SLC6A19: variants seen among roughly 807,000 people sequenced by gnomAD.
The protein encoded by SLC6A19 is sodium-dependent neutral amino acid transporter B(0)AT1.
In SLC6A19, 67 loss-of-function variants were observed where a neutral mutation model predicts 68.3. That is an observed-to-expected ratio of 0.98 (90% CI 0.81 to 1.20). The LOEUF is 1.20. Ranked by LOEUF, SLC6A19 falls within the 50% of genes most tolerant of loss-of-function variation. The pLI is 0.00. For synonymous variants in SLC6A19, 392 were observed against 374.9 expected (o/e 1.05, Z -0.53); for missense variants, 813 against 851.6 (o/e 0.95, Z 0.56).
At position 1,219,207 on chromosome 5, in the gene SLC6A19, G is replaced by C. The variant is rs554501982; in HGVS notation, c.1378+100G>C. 1.7e-4 allele frequency: 200 copies of C among 1,162,558 alleles called. 1 individual carries two copies. In the African/African-American group the frequency reaches 2.4e-3, roughly 14 times the overall value. 72.0% of individuals were successfully genotyped at this position (1,162,558 alleles called of 1,614,324 possible). The stretch of plus-strand genomic sequence containing the variant: ...AGCTCTGTCCCCGGCCGTGCGTGCA[G>C]CCCCCGGGCGTGTGAACAGCTCTGT... On this transcript the variant is annotated intron_variant, in intron 9 of 11. Transcript: ENST00000304460.
intron 1 of SLC6A19, 80 bp downstream of exon 1, chr5:1,201,932 C>A: frequency 6.7e-7 from 1 of 1,492,096 alleles, no homozygotes; most frequent in Non-Finnish European, 9.0e-7. Flanking sequence ...GGCAGACATC[C>A]TCCCCGGACC....
chr5:1,207,584 C>G (rs1478887886), intron 1 of SLC6A19, among the ~76,000 whole-genome samples: 1 of 152,366 alleles, frequency 6.6e-6, no homozygotes, highest in East Asian at 1.9e-4. Flanking sequence ...CTCCCGGTCC[C>G]AGGCTGATTC....
At chr5:1,216,319 G>A (rs1027681880) in intron 6 of SLC6A19, among the ~76,000 whole-genome samples, 8 of 152,180 alleles carry the variant, frequency 5.3e-5, no homozygotes, top group Non-Finnish European at 8.8e-5. Flanking sequence ...CATAGCCTGG[G>A]GCAGCCCCTA....
At chr5:1,219,736 G>C in intron 10 of SLC6A19, 72 bp downstream of exon 10, 1 of 1,591,840 alleles carries the variant, frequency 6.3e-7, no homozygotes, top group Non-Finnish European at 8.5e-7. Flanking sequence ...TGTGAGGGAG[G>C]ACCCGGGCTG....
chr5:1,221,806 T>C lies in SLC6A19; in HGVS notation c.1807T>C (p.Tyr603His). ...PSLTIPGYAI[Y>H]KLIRNHCQKP... ...CCTCACCATCCCTGGCTATGCCATC[T>C]ACAAGCTCATCAGGAACCACTGCCA... The change falls in exon 12 of 12, where the codon TAC becomes CAC. Residue 603 changes from tyrosine to histidine, a missense_variant. Transcript: ENST00000304460. 1.2e-6 allele frequency: 2 copies of C among 1,614,238 alleles called. No homozygotes were observed. The highest frequency in any genetic ancestry group is 1.6e-4 in the Middle Eastern group (1 of 6,062).
Position 1,212,168 on chromosome 5 carries a change from T to C in SLC6A19, c.482-135T>C. 2.0e-6 allele frequency: 2 copies of C among 1,016,414 alleles called. No homozygotes were observed. The highest frequency in any genetic ancestry group is 2.6e-5 in the South Asian group (2 of 75,550). 63.0% of individuals were successfully genotyped at this position (1,016,414 alleles called of 1,614,324 possible). ...TGCACGTGAGCATGTGTGCCTGTGT[T>C]CATGTGCACGTGTGGGCGTGTCACT... On this transcript the variant is annotated intron_variant, in intron 3 of 11. Coordinates refer to ENST00000304460, the MANE Select transcript of SLC6A19 (RefSeq NM_001003841.3). The surrounding 1 kb of genome is among the most constrained non-coding windows in gnomAD (Gnocchi z 5.1).
intron 2 of SLC6A19, 138 bp from the exon 3 acceptor site, chr5:1,210,306 G>C: frequency 8.0e-7 from 1 of 1,250,200 alleles, no homozygotes; most frequent in Non-Finnish European, 1.1e-6. Context: ...GCCTGCACTG[G>C]GTCGGCCCCT....
chr5:1,208,954 G>T, intron 2 of SLC6A19, 68 bp downstream of exon 2: 1 of 1,550,416 alleles, frequency 6.4e-7, no homozygotes. Flanking sequence ...TTCCACCCGG[G>T]CCCAGGGTTC....
chr5:1,207,322 GC>G (rs1196774357), intron 1 of SLC6A19, among the ~76,000 whole-genome samples: 2 of 152,178 alleles, frequency 1.3e-5, no homozygotes, highest in African/African-American at 4.8e-5. Context: ...TAGCCTGGGG[GC>G]CTTGTGGCTG....
At chr5:1,220,137 C>T (rs188252679) in intron 10 of SLC6A19, among the ~76,000 whole-genome samples, 3 of 152,182 alleles carry the variant, frequency 2.0e-5, no homozygotes, top group East Asian at 3.9e-4. Flanking sequence ...AGGCCGGGCA[C>T]GGTGGCTCAT....
intron 6 of SLC6A19, among the ~76,000 whole-genome samples, 163 bp from the exon 7 acceptor site, chr5:1,216,395 G>T (rs927561500): frequency 6.6e-6 from 1 of 152,154 alleles, no homozygotes; most frequent in African/African-American, 2.4e-5. Flanking sequence ...CCCTGAGCCT[G>T]CTCGGAGTGG....
At chr5:1,213,865 C>T in intron 5 of SLC6A19, 88 bp from the exon 6 acceptor site, 9 of 1,586,658 alleles carry the variant, frequency 5.7e-6, no homozygotes, top group Non-Finnish European at 7.7e-6. Flanking sequence ...ATAGCCTCGA[C>T]CCTCCCCGCC....
Position 1,214,136 on chromosome 5 carries a change from C to T in SLC6A19, c.887+71C>T. On this transcript the variant is annotated intron_variant, in intron 6 of 11. Coordinates refer to ENST00000304460, the MANE Select transcript of SLC6A19 (RefSeq NM_001003841.3). This position sits in a 1 kb window ranked among gnomAD's most constrained non-coding sequence, Gnocchi z 7.4. Reference sequence around the variant, plus strand: ...GGGATCTTGCTGGGAGGATAAAAGACAAGGTGGAAAGCACTCTGTGGCTGT... The same window carrying T: ...GGGATCTTGCTGGGAGGATAAAAGATAAGGTGGAAAGCACTCTGTGGCTGT... The T allele has an allele frequency of 1.2e-6, 2 of 1,609,420 alleles. No individual in the cohort carries two copies. Among genetic ancestry groups the T allele is most frequent in the African/African-American group, 1.3e-5 (1 of 74,948 alleles).
rs762989809 is a variant in SLC6A19 at position 1,201,819 on chromosome 5, C to A, written c.169C>A (p.Arg57Ser). 1 of 1,612,076 alleles carries A rather than the reference C, an allele frequency of 6.2e-7. No homozygotes were observed. The highest frequency in any genetic ancestry group is 1.1e-5 in the South Asian group (1 of 91,078). Residue 57 changes from arginine (R) to serine (S), a missense_variant, in exon 1 of 12, where the codon CGC becomes AGC. Coordinates refer to ENST00000304460, the MANE Select transcript of SLC6A19 (RefSeq NM_001003841.3). ...CTGCGTGGGCCTCGGCAACGTGTGG[C>A]GCTTCCCCTACCTGTGTCAGAGCCA... Reference protein sequence around the residue: ...GFCVGLGNVWRFPYLCQSHGG... With the variant: ...GFCVGLGNVWSFPYLCQSHGG...
At chr5:1,202,357 G>A (rs948485359) in intron 1 of SLC6A19, among the ~76,000 whole-genome samples, 3 of 152,292 alleles carry the variant, frequency 2.0e-5, no homozygotes, top group Admixed American at 6.5e-5. Context: ...TGAGCCAGGT[G>A]CCCTCAGGCC....
At chr5:1,217,006 C>G (rs1304795534) in intron 8 of SLC6A19, 61 bp downstream of exon 8, 1 of 1,608,594 alleles carries the variant, frequency 6.2e-7, no homozygotes, top group Admixed American at 1.7e-5. Flanking sequence ...CCTCAGAGTC[C>G]GGCCACCCCT....
intron 3 of SLC6A19, among the ~76,000 whole-genome samples, chr5:1,211,694 C>T (rs1579512085): frequency 6.9e-6 from 1 of 144,738 alleles, no homozygotes; most frequent in East Asian, 2.1e-4. Flanking sequence ...TGTGCATGTG[C>T]ATGTGTGGGG....
Position 1,213,446 on chromosome 5 carries a change from T to C in SLC6A19, c.664-17T>C. 1.1e-6 allele frequency: 1 copy of C among 946,524 alleles called. No individual in the cohort carries two copies. Among genetic ancestry groups the C allele is most frequent in the Non-Finnish European group, 1.5e-6 (1 of 669,954 alleles). 58.6% of individuals were successfully genotyped at this position (946,524 alleles called of 1,614,324 possible). ...CCCCCAACTTCCCGCCCATCCCACA[T>C]GTCCCGCCCTCCGCAGGCCGTGTAC... is the stretch of plus-strand genomic sequence containing the variant. On this transcript the variant is annotated splice_polypyrimidine_tract_variant and intron_variant, in intron 4 of 11. Transcript: ENST00000304460.
At position 1,212,336 on chromosome 5, in the gene SLC6A19, T is replaced by C; in HGVS notation, c.515T>C (p.Val172Ala). ...GACGAGTGCGCCAGGAGCTCCCCTGTGGACTACTTCTGGTACCGAGAGACG... is the reference window on the plus strand; with the variant it reads ...GACGAGTGCGCCAGGAGCTCCCCTGCGGACTACTTCTGGTACCGAGAGACG... The part of the protein sequence containing the change: ...YVDECARSSP[V>A]DYFWYRETLN... The change falls in exon 4 of 12, where the codon GTG (valine) becomes GCG (alanine). Residue 172 changes from valine to alanine, a missense_variant. Coordinates refer to ENST00000304460, the MANE Select transcript of SLC6A19 (RefSeq NM_001003841.3). This position sits in a 1 kb window ranked among gnomAD's most constrained non-coding sequence, Gnocchi z 5.1. The C allele has an allele frequency of 6.2e-7, 1 of 1,613,686 alleles. No homozygotes were observed. Among genetic ancestry groups the C allele is most frequent in the Non-Finnish European group, 8.5e-7 (1 of 1,179,938 alleles).
Sources: gnomAD v4.1 joint callset for allele counts (sites outside exome capture counted in the v4.1 genomes callset) on GRCh38, gnomAD v4.1.1 for gene constraint, Gnocchi (gnomAD v3.1) non-coding constraint, MANE v1.5 for transcripts, NCBI Gene and HGNC (gene_info 2026-07-23, HGNC 2026-07-21) for gene names.